The following TMEM108 variants were observed in gnomAD, a reference collection of about 807,000 sequenced individuals.
TMEM108 encodes the protein transmembrane protein 108, also known as cancer/testis antigen 124.
In TMEM108, 12 loss-of-function variants were observed where a neutral mutation model predicts 35.1. The ratio of observed to expected loss-of-function variants is 0.34; its 90% CI spans 0.22 to 0.55. The LOEUF is 0.55. Ranked by LOEUF, TMEM108 falls within the 20% of genes least tolerant of loss-of-function variation. The probability of loss-of-function intolerance (pLI) is 0.89; values close to 1 mark genes in which losing one functional copy is unlikely to be tolerated. For missense variants in TMEM108, 680 were observed against 753.3 expected (o/e 0.90, Z 1.14); for synonymous variants, 287 against 308.6 (o/e 0.93, Z 0.73).
chr3:133,083,281 A>G (rs1319523185), intron 2 of TMEM108, among the ~76,000 whole-genome samples: 1 of 150,786 alleles, frequency 6.6e-6, no homozygotes, highest in Non-Finnish European at 1.5e-5. Flanking sequence ...ATGGCACTGG[A>G]AACTGTCCCT....
chr3:133,186,534 C>A (rs558484951), intron 2 of TMEM108, among the ~76,000 whole-genome samples: 2 of 152,290 alleles, frequency 1.3e-5, no homozygotes, highest in South Asian at 2.1e-4. Flanking sequence ...GGAATCAAAA[C>A]CCAGTTTAAA....
intron 2 of TMEM108, among the ~76,000 whole-genome samples, chr3:133,218,919 CT>C (rs1284260448): frequency 6.6e-6 from 1 of 151,986 alleles, no homozygotes; most frequent in Non-Finnish European, 1.5e-5. Flanking sequence ...ATTATTCCCT[CT>C]TCTTAAGTTT....
intron 2 of TMEM108, among the ~76,000 whole-genome samples, chr3:133,160,110 C>T (rs1269755944): frequency 6.6e-6 from 1 of 152,202 alleles, no homozygotes; most frequent in African/African-American, 2.4e-5. Flanking sequence ...AGGGGGCTGG[C>T]TTTCTGGCCC....
chr3:133,067,331 T>C (rs1034670096), intron 2 of TMEM108, among the ~76,000 whole-genome samples: 6 of 152,186 alleles, frequency 3.9e-5, no homozygotes, highest in Non-Finnish European at 8.8e-5. Flanking sequence ...TGGTAGGTAT[T>C]TGATGCATTC....
At chr3:133,325,779 G>A (rs951514793) in intron 3 of TMEM108, among the ~76,000 whole-genome samples, 2 of 150,956 alleles carry the variant, frequency 1.3e-5, no homozygotes, top group Middle Eastern at 3.5e-3. Context: ...GTGTATATGT[G>A]TGTATATATA....
chr3:133,375,587 C>G (rs1190878820), intron 3 of TMEM108, among the ~76,000 whole-genome samples: 2 of 152,084 alleles, frequency 1.3e-5, no homozygotes, highest in African/African-American at 4.8e-5. Context: ...GTTAGGGAAG[C>G]CCTGGGTTGA....
intron 3 of TMEM108, among the ~76,000 whole-genome samples, chr3:133,318,062 A>G (rs1414642144): frequency 6.6e-6 from 1 of 152,238 alleles, no homozygotes; most frequent in Non-Finnish European, 1.5e-5. Context: ...TATCAAGTGA[A>G]GCAGACTGTG....
At chr3:133,312,205 A>G (rs1157765125) in intron 3 of TMEM108, among the ~76,000 whole-genome samples, 2 of 152,316 alleles carry the variant, frequency 1.3e-5, no homozygotes, top group East Asian at 3.9e-4. Context: ...CTACTTGAGG[A>G]GGCGGTCTGT....
intron 2 of TMEM108, among the ~76,000 whole-genome samples, chr3:133,086,819 G>T (rs1943888914): frequency 6.6e-6 from 1 of 152,316 alleles, no homozygotes; most frequent in Non-Finnish European, 1.5e-5. Context: ...TGTAGTTTGG[G>T]CATTACATGG....
At chr3:133,179,505 A>G (rs1402171308) in intron 2 of TMEM108, among the ~76,000 whole-genome samples, 1 of 152,166 alleles carries the variant, frequency 6.6e-6, no homozygotes, top group Admixed American at 6.5e-5. Flanking sequence ...TGTCCTTTGT[A>G]GGGACATGGA....
chr3:133,377,101 C>G (rs2072865900), intron 3 of TMEM108, among the ~76,000 whole-genome samples: 1 of 152,142 alleles, frequency 6.6e-6, no homozygotes, highest in African/African-American at 2.4e-5. Context: ...GGACACCAGT[C>G]AGATCGAATT....
At chr3:133,238,379 G>A (rs922288780) in intron 3 of TMEM108, among the ~76,000 whole-genome samples, 4 of 152,188 alleles carry the variant, frequency 2.6e-5, no homozygotes, top group African/African-American at 9.6e-5. Context: ...TAAGATGCTA[G>A]TAGTTTTAAG....
intron 3 of TMEM108, among the ~76,000 whole-genome samples, chr3:133,348,841 A>G (rs932494105): frequency 3.3e-5 from 5 of 152,178 alleles, no homozygotes; most frequent in African/African-American, 1.2e-4. Context: ...AGATGAAATT[A>G]TAAAACAAAT....
At chr3:133,300,749 G>A (rs1016332977) in intron 3 of TMEM108, among the ~76,000 whole-genome samples, 1 of 151,970 alleles carries the variant, frequency 6.6e-6, no homozygotes, top group African/African-American at 2.4e-5. Context: ...AGGGCTGAGG[G>A]ATAGTGTCCT....
chr3:133,228,410 T>A (rs191990131), intron 2 of TMEM108, among the ~76,000 whole-genome samples: 114 of 152,302 alleles, frequency 7.5e-4, no homozygotes, highest in African/African-American at 2.5e-3. Context: ...TAGAGTGTAG[T>A]CTAATGATTA....
chr3:133,388,017 G>T (rs1672619875), intron 4 of TMEM108: 1 of 985,320 alleles, frequency 1.0e-6, no homozygotes, highest in Admixed American at 6.1e-5. Context: ...TGTGTCTATG[G>T]CAGTGTTTTG....
intron 3 of TMEM108, among the ~76,000 whole-genome samples, chr3:133,338,395 G>A (rs1576467513): frequency 6.6e-6 from 1 of 151,904 alleles, no homozygotes; most frequent in African/African-American, 2.4e-5. Context: ...AAGAGAGAGT[G>A]GCATGACATA....
intron 3 of TMEM108, among the ~76,000 whole-genome samples, chr3:133,262,417 A>G (rs1467774697): frequency 1.3e-5 from 2 of 152,238 alleles, no homozygotes; most frequent in Non-Finnish European, 2.9e-5. Context: ...CAGATTTTCT[A>G]TGAACTACAT....
chr3:133,063,209 A>G (rs1943555791), intron 2 of TMEM108, among the ~76,000 whole-genome samples: 1 of 152,084 alleles, frequency 6.6e-6, no homozygotes, highest in Non-Finnish European at 1.5e-5. Flanking sequence ...AAGCCAGGGT[A>G]TTGGAATGAT....
Sources: gnomAD v4.1 joint callset for allele counts (sites outside exome capture counted in the v4.1 genomes callset) on GRCh38, gnomAD v4.1.1 for gene constraint, MANE v1.5 for transcripts, NCBI Gene and HGNC (gene_info 2026-07-23, HGNC 2026-07-21) for gene names.